CLHC1: variants seen among roughly 807,000 people sequenced by gnomAD.
CLHC1 encodes clathrin heavy chain linker domain-containing protein 1.
CLHC1 carries 72 observed loss-of-function variants against 69.5 expected under a neutral mutation model. The ratio of observed to expected loss-of-function variants is 1.04; its 90% CI spans 0.86 to 1.26. CLHC1 has a LOEUF of 1.26. Among genes scored for constraint, CLHC1 ranks in the 50% most tolerant of loss-of-function variants. CLHC1 has a pLI of 0.00. For missense variants in CLHC1, 790 were observed against 679.3 expected (o/e 1.16, Z -1.81); for synonymous variants, 223 against 224.3 (o/e 0.99, Z 0.05).
At chr2:55,178,034 T>A (rs1282044809) in intron 11 of CLHC1, among the ~76,000 whole-genome samples, 1 of 151,982 alleles carries the variant, frequency 6.6e-6, no homozygotes. Flanking sequence ...ATAATTATAA[T>A]GAAAAAAATG....
In CLHC1 at chr2:55,227,793, A is replaced by C. The variant is rs532384181; in HGVS notation, c.-83+239T>G. Among the ~76,000 whole-genome samples the C allele has an allele frequency of 2.2e-4, 33 of 152,170 alleles. No individual in the cohort carries two copies. In the South Asian group the frequency reaches 6.8e-3, roughly 32 times the overall value. ...GGCTTCCTACCGTATTACCCTTAGG[A>C]TAAAATCCAAGTTCCTTTACTTGGC... On this transcript the variant is annotated intron_variant, in intron 2 of 12. Coordinates refer to ENST00000401408, the MANE Select transcript of CLHC1 (RefSeq NM_152385.4).
chr2:55,192,488 C>T (rs1252773020), intron 9 of CLHC1, among the ~76,000 whole-genome samples: 2 of 152,022 alleles, frequency 1.3e-5, no homozygotes, highest in African/African-American at 4.8e-5. Context: ...TATGAAGACA[C>T]TAATAGATTA....
At chr2:55,177,534 A>G (rs1242650353) in intron 12 of CLHC1, 68 bp downstream of exon 12, 24 of 1,141,860 alleles carry the variant, frequency 2.1e-5, no homozygotes, top group Admixed American at 9.8e-5. Context: ...TAACTCATGC[A>G]TAACCATCTT....
intron 9 of CLHC1, among the ~76,000 whole-genome samples, chr2:55,201,651 C>A (rs761941071): frequency 2.0e-5 from 3 of 152,146 alleles, no homozygotes; most frequent in Non-Finnish European, 2.9e-5. Flanking sequence ...GGAAATACTT[C>A]TAAACTCATT....
At chr2:55,196,243 T>C (rs1671404442) in intron 9 of CLHC1, among the ~76,000 whole-genome samples, 1 of 152,134 alleles carries the variant, frequency 6.6e-6, no homozygotes, top group Admixed American at 6.5e-5. Flanking sequence ...CTAAATAAAC[T>C]TGAAAGGCGG....
chr2:55,188,345 A>T (rs1377619181), intron 9 of CLHC1, among the ~76,000 whole-genome samples: 2 of 152,168 alleles, frequency 1.3e-5, no homozygotes, highest in Non-Finnish European at 2.9e-5. Context: ...ATACATATAT[A>T]TGAAAAGATA....
intron 9 of CLHC1, among the ~76,000 whole-genome samples, chr2:55,199,742 C>G (rs890885630): frequency 3.3e-5 from 5 of 151,794 alleles, no homozygotes; most frequent in African/African-American, 9.7e-5. Context: ...ATACAATGGA[C>G]ACTCAAAAAA....
intron 12 of CLHC1, among the ~76,000 whole-genome samples, chr2:55,176,716 A>T (rs1024967963): frequency 6.6e-6 from 1 of 152,126 alleles, no homozygotes; most frequent in Non-Finnish European, 1.5e-5. Context: ...TTCTACCATA[A>T]TTATTATTTT....
rs949542774 is a variant in CLHC1 at position 55,177,680 on chromosome 2, C to T, written c.1486G>A (p.Ala496Thr). Residue 496 changes from alanine to threonine, a missense_variant, in exon 12 of 13, where the codon GCT (alanine) becomes ACT (threonine). Transcript: ENST00000401408. ...EKQPSLSFGL[A>T]ILHLFSADMK... ...TCTGCAGAGAACAGATGAAGTATAG[C>T]AAGACCAAAAGATAAAGATGGTTGT... 1 of 1,613,278 alleles carries T rather than the reference C, an allele frequency of 6.2e-7. No individual in the cohort carries two copies. The highest frequency in any genetic ancestry group is 8.5e-7 in the Non-Finnish European group (1 of 1,179,440).
rs1670282013 is a variant in CLHC1 at position 55,184,919 on chromosome 2, A to ACAC, written c.1007-3176_1007-3175insGTG. Among the ~76,000 whole-genome samples, 3 of 126,094 alleles carry ACAC rather than the reference A, an allele frequency of 2.4e-5. No homozygotes were observed. In the Admixed American group the frequency reaches 2.5e-4, roughly 10 times the overall value. The allele number at this position is 126,094 out of a possible 152,430, so 82.7% of individuals were successfully genotyped here. On this transcript the variant is annotated intron_variant, in intron 9 of 12. Coordinates refer to ENST00000401408, the MANE Select transcript of CLHC1 (RefSeq NM_152385.4). ...GACTCCATCTCAAAAAAAAAAACAA[A>ACAC]ACACACACACACACACACACACACA...
intron 4 of CLHC1, among the ~76,000 whole-genome samples, chr2:55,213,033 T>A (rs1479004463): frequency 6.6e-6 from 1 of 152,238 alleles, no homozygotes; most frequent in East Asian, 1.9e-4. Context: ...CGTTAAGTGC[T>A]AATCACAATA....
intron 9 of CLHC1, among the ~76,000 whole-genome samples, chr2:55,199,811 CAGGAAGGAAGGAAAGA>C (rs953976009): frequency 6.6e-6 from 1 of 151,770 alleles, no homozygotes; most frequent in Non-Finnish European, 1.5e-5. Flanking sequence ...AAAAGAAAGA[CAGGAAGGAAGGAAAGA>C]AGGAAGAGAA....
intron 2 of CLHC1, among the ~76,000 whole-genome samples, 197 bp downstream of exon 2, chr2:55,227,835 G>T (rs545832264): frequency 4.3e-5 from 5 of 117,028 alleles, no homozygotes; most frequent in African/African-American, 2.0e-4. Context: ...GTGCCCTTCA[G>T]AAACTAATGA....
chr2:55,220,619 CCAA>C (rs2104044636), intron 3 of CLHC1, among the ~76,000 whole-genome samples: 1 of 152,206 alleles, frequency 6.6e-6, no homozygotes, highest in East Asian at 1.9e-4. Context: ...ATTAAATTTA[CCAA>C]CAATACCTCC....
chr2:55,224,462 A>AG (rs1251838818), intron 2 of CLHC1: 7 of 399,162 alleles, frequency 1.8e-5, no homozygotes, highest in African/African-American at 1.4e-4. Context: ...CCTGGTCCTT[A>AG]GCTGGCGCTG....
intron 9 of CLHC1, among the ~76,000 whole-genome samples, chr2:55,195,824 A>G (rs908423437): frequency 6.6e-6 from 1 of 152,142 alleles, no homozygotes; most frequent in Non-Finnish European, 1.5e-5. Flanking sequence ...AAACAAACAA[A>G]GAACAAAAAC....
At chr2:55,227,320 A>G (rs1401583479) in intron 2 of CLHC1, among the ~76,000 whole-genome samples, 1 of 151,594 alleles carries the variant, frequency 6.6e-6, no homozygotes, top group Non-Finnish European at 1.5e-5. Context: ...TAAGTAAGAT[A>G]AGGTCCCTGG....
intron 12 of CLHC1, among the ~76,000 whole-genome samples, chr2:55,176,977 G>A (rs905181570): frequency 1.3e-5 from 2 of 152,136 alleles, no homozygotes; most frequent in Non-Finnish European, 2.9e-5. Context: ...GGGCTCAGGC[G>A]ATCCTTCCAC....
chr2:55,211,879 T>C (rs956488380), intron 5 of CLHC1, among the ~76,000 whole-genome samples: 1 of 152,212 alleles, frequency 6.6e-6, no homozygotes, highest in Non-Finnish European at 1.5e-5. Flanking sequence ...GTGGAAGCAG[T>C]GAATGCTGAC....
Sources: allele counts gnomAD v4.1 joint callset (sites outside exome capture counted in the v4.1 genomes callset), GRCh38; gene constraint gnomAD v4.1.1; transcripts MANE v1.5; gene names NCBI Gene and HGNC (gene_info 2026-07-23, HGNC 2026-07-21).